The following VPS37C variants were observed in gnomAD, a reference collection of about 807,000 sequenced individuals.
VPS37C encodes the protein vacuolar protein sorting-associated protein 37C.
In VPS37C, 9 loss-of-function variants were observed where a neutral mutation model predicts 16.1. That is an observed-to-expected ratio of 0.56 (90% CI 0.34 to 0.97). The LOEUF (loss-of-function observed/expected upper bound fraction) is 0.97, where lower values mean the gene tolerates loss of function less well. VPS37C is among the 50% of genes least tolerant of loss of function. The pLI, the probability that VPS37C is intolerant of heterozygous loss-of-function variation, is 0.02. For synonymous variants in VPS37C, 207 were observed against 206.4 expected, an observed-to-expected ratio of 1.00 and a Z score of -0.02; for missense variants, 479 against 472.7, an observed-to-expected ratio of 1.01 and a Z score of -0.12.
rs1261181738 is a variant in VPS37C, at chr11:61,132,383, C to T, written c.505G>A (p.Asp169Asn). The T allele has an allele frequency of 5.6e-6, 9 of 1,601,568 alleles. No homozygotes were observed. The highest frequency in any genetic ancestry group is 2.6e-6 in the Non-Finnish European group (3 of 1,174,186). Reference sequence around the variant, plus strand: ...GGTGGTGGACGGGGTGGAGGGGCATCGCCGGCCAGCTCCTGGGAAGCCCTG... The same window carrying T: ...GGTGGTGGACGGGGTGGAGGGGCATTGCCGGCCAGCTCCTGGGAAGCCCTG... Reference protein sequence around the residue: ...KPRASQELAGDAPPPRPPPPV... With the variant: ...KPRASQELAGNAPPPRPPPPV... Residue 169 changes from aspartate (D) to asparagine (N), a missense_variant, in exon 5 of 5, where the codon GAT (aspartate) becomes AAT (asparagine). Coordinates refer to ENST00000301765, the MANE Select transcript of VPS37C (RefSeq NM_017966.5).
intron 1 of VPS37C, among the ~76,000 whole-genome samples, chr11:61,148,952 GA>G (rs765277258): frequency 2.6e-5 from 4 of 152,198 alleles, no homozygotes; most frequent in Non-Finnish European, 5.9e-5. Flanking sequence ...TGGGGTTGGA[GA>G]TTCCTCCCAC....
intron 1 of VPS37C, among the ~76,000 whole-genome samples, chr11:61,156,992 T>C (rs930600007): frequency 1.3e-5 from 2 of 152,244 alleles, no homozygotes; most frequent in Non-Finnish European, 2.9e-5. Context: ...CAACAATATT[T>C]GTTCTTTTGT....
intron 1 of VPS37C, among the ~76,000 whole-genome samples, chr11:61,154,355 G>A (rs1032314383): frequency 4.6e-5 from 7 of 152,098 alleles, no homozygotes; most frequent in Non-Finnish European, 7.4e-5. Flanking sequence ...GAAAGATTAA[G>A]CATGTTAGAG....
At chr11:61,139,047 C>T (rs938645720) in intron 1 of VPS37C, among the ~76,000 whole-genome samples, 2 of 152,214 alleles carry the variant, frequency 1.3e-5, no homozygotes, top group African/African-American at 4.8e-5. Flanking sequence ...CTGCTCCCTC[C>T]ACCCTCTCAT....
intron 1 of VPS37C, among the ~76,000 whole-genome samples, chr11:61,155,633 G>A (rs2134657599): frequency 6.6e-6 from 1 of 152,076 alleles, no homozygotes; most frequent in African/African-American, 2.4e-5. Flanking sequence ...CAGGGAAAAT[G>A]CCTTCCAAAA....
chr11:61,155,940 T>C (rs1327868830), intron 1 of VPS37C, among the ~76,000 whole-genome samples: 1 of 152,072 alleles, frequency 6.6e-6, no homozygotes, highest in Non-Finnish European at 1.5e-5. Flanking sequence ...GTGACAACAA[T>C]ACAAAGTCCA....
intron 1 of VPS37C, among the ~76,000 whole-genome samples, chr11:61,148,299 G>A (rs886638233): frequency 2.0e-5 from 3 of 152,112 alleles, no homozygotes; most frequent in Non-Finnish European, 2.9e-5. Context: ...GAGCTGTGAC[G>A]TCCCTTGGTT....
At position 61,130,850 on chromosome 11, in the gene VPS37C, A is replaced by T. The variant is rs1376470729; in HGVS notation, c.*970T>A. On this transcript the variant is annotated 3_prime_UTR_variant, in exon 5 of 5. Coordinates refer to ENST00000301765, the MANE Select transcript of VPS37C (RefSeq NM_017966.5). ...TTTTGATGCCTGTCTTAGGATGGAC[A>T]CTGGGGGTGGGAGGATTACATCAAC... 2.3e-6 allele frequency: 1 copy of T among 426,042 alleles called. No homozygotes were observed. The highest frequency in any genetic ancestry group is 4.6e-6 in the Non-Finnish European group (1 of 215,608). 26.4% of individuals were successfully genotyped at this position (426,042 alleles called of 1,614,324 possible).
chr11:61,132,353 C>G lies in VPS37C; in HGVS notation c.535G>C (p.Val179Leu), dbSNP rs1398778559. The G allele has an allele frequency of 1.2e-6, 2 of 1,600,344 alleles. No individual in the cohort carries two copies. Among genetic ancestry groups the G allele is most frequent in the East Asian group, 4.5e-5 (2 of 44,296 alleles). The change falls in exon 5 of 5, where the codon GTG becomes CTG. Residue 179 changes from valine to leucine, a missense_variant. Physicochemically the swap from Val to Leu is conservative, Grantham distance 32 (BLOSUM62 1). Transcript: ENST00000301765. ...DAPPPRPPPP[V>L]RPVPQGTPPV... The stretch of plus-strand genomic sequence containing the variant: ...GGTGTTCCCTGGGGGACTGGGCGCA[C>G]CGGGGGTGGTGGACGGGGTGGAGGG...
rs1397835903 is a variant in VPS37C, at chr11:61,132,264, G to A, written c.624C>T (p.Ser208=). Residue 208 remains serine, a synonymous_variant, in exon 5 of 5, where the codon AGC becomes AGT. Transcript: ENST00000301765. ...LAMPPYPLPY[S]PSPSLPVGPT... is the part of the protein sequence containing the mutation. ...GGCCCACAGGCAGGCTGGGGGATGG[G>A]CTGTAGGGCAAAGGGTAGGGAGGCA... The A allele has an allele frequency of 5.9e-6, 9 of 1,538,110 alleles. No homozygotes were observed. The highest frequency in any genetic ancestry group is 1.4e-5 in the African/African-American group (1 of 72,602).
At position 61,149,038 on chromosome 11, in the gene VPS37C, T is replaced by C. The variant is rs540872110; in HGVS notation, c.-6-10203A>G. The stretch of plus-strand genomic sequence containing the variant: ...GGCTCACGCCTGTAATCCCAGCACT[T>C]TGGGAGGCCAAGGCGGGCGGACCAC... On this transcript the variant is annotated intron_variant, in intron 1 of 4. Transcript: ENST00000301765. 3.9e-5 allele frequency among the ~76,000 whole-genome samples: 6 copies of C among 152,310 alleles called. No individual in the cohort carries two copies. In the East Asian group the frequency reaches 1.2e-3, roughly 29 times the overall value.
At chr11:61,156,071 A>G (rs1329083065) in intron 1 of VPS37C, among the ~76,000 whole-genome samples, 1 of 151,968 alleles carries the variant, frequency 6.6e-6, no homozygotes, top group Non-Finnish European at 1.5e-5. Flanking sequence ...CAACCACTAA[A>G]AAGTGTTCGA....
intron 1 of VPS37C, among the ~76,000 whole-genome samples, chr11:61,140,346 A>G (rs1861453982): frequency 6.6e-6 from 1 of 152,216 alleles, no homozygotes; most frequent in Admixed American, 6.5e-5. Context: ...GTTCCCATGT[A>G]CCAGGAAGTC....
chr11:61,133,014 C>T, intron 4 of VPS37C: 1 of 623,188 alleles, frequency 1.6e-6, no homozygotes, highest in Non-Finnish European at 2.9e-6. Context: ...GCTGCCCTAC[C>T]ATCCAGGGCT....
At chr11:61,145,068 T>C (rs1037115077) in intron 1 of VPS37C, 1 of 152,226 alleles carries the variant, frequency 6.6e-6, no homozygotes, top group Admixed American at 6.5e-5. Flanking sequence ...CCCTCTGTAC[T>C]ATCACACTGG....
intron 1 of VPS37C, among the ~76,000 whole-genome samples, chr11:61,150,873 C>T (rs1296915901): frequency 6.6e-6 from 1 of 152,178 alleles, no homozygotes; most frequent in African/African-American, 2.4e-5. Flanking sequence ...CCTCACTGTT[C>T]CATCAGTGTC....
intron 1 of VPS37C, among the ~76,000 whole-genome samples, chr11:61,158,592 G>A (rs1047439403): frequency 2.6e-5 from 4 of 152,196 alleles, no homozygotes; most frequent in African/African-American, 7.2e-5. Context: ...TCCGTGACTA[G>A]TTGTAATCCT....
At chr11:61,146,352 TC>T (rs1853206501) in intron 1 of VPS37C, among the ~76,000 whole-genome samples, 1 of 152,242 alleles carries the variant, frequency 6.6e-6, no homozygotes, top group Non-Finnish European at 1.5e-5. Flanking sequence ...TAAGAGCTGA[TC>T]CTAACTCTCA....
At chr11:61,136,192 GT>G (rs1275334395) in intron 2 of VPS37C, among the ~76,000 whole-genome samples, 1 of 131,734 alleles carries the variant, frequency 7.6e-6, no homozygotes, top group Non-Finnish European at 1.5e-5. Flanking sequence ...TTGAGACAGA[GT>G]TTCGCTCTGT....
Sources: gnomAD v4.1 joint callset for allele counts (sites outside exome capture counted in the v4.1 genomes callset) on GRCh38, gnomAD v4.1.1 for gene constraint, MANE v1.5 for transcripts, NCBI Gene and HGNC (gene_info 2026-07-23, HGNC 2026-07-21) for gene names.